The following GRIA4 variants were observed in gnomAD, a reference collection of about 807,000 sequenced individuals.
GRIA4 encodes the protein glutamate receptor 4.
A neutral mutation model predicts 104.0 loss-of-function variants in GRIA4; 34 were observed. The observed-to-expected ratio is 0.33, with a 90% CI of 0.25 to 0.44. The LOEUF (loss-of-function observed/expected upper bound fraction) is 0.44, where lower values mean the gene tolerates loss of function less well. GRIA4 is among the 20% of genes least tolerant of loss of function. The pLI, the probability that GRIA4 is intolerant of heterozygous loss-of-function variation, is 1.00. For missense variants in GRIA4, 750 were observed against 1,096.5 expected (o/e 0.68, Z 4.46); for synonymous variants, 386 against 381.9 (o/e 1.01, Z -0.13).
intron 4 of GRIA4, among the ~76,000 whole-genome samples, chr11:105,808,570 C>T (rs962140320): frequency 1.1e-4 from 16 of 152,088 alleles, no homozygotes; most frequent in African/African-American, 3.1e-4. Flanking sequence ...TAATTCAATC[C>T]TCTTTCCCAA....
intron 3 of GRIA4, among the ~76,000 whole-genome samples, chr11:105,670,057 T>C (rs1165475448): frequency 6.6e-6 from 1 of 152,122 alleles, no homozygotes; most frequent in Non-Finnish European, 1.5e-5. Context: ...ACTAGATGGC[T>C]GTAGTAAATG....
chr11:105,710,991 T>C (rs1953889449), intron 3 of GRIA4, among the ~76,000 whole-genome samples: 3 of 152,034 alleles, frequency 2.0e-5, no homozygotes, highest in African/African-American at 4.8e-5. Context: ...GTGGAGCCAT[T>C]AAGAAAAATT....
At chr11:105,705,553 T>G (rs963094919) in intron 3 of GRIA4, among the ~76,000 whole-genome samples, 7 of 150,912 alleles carry the variant, frequency 4.6e-5, no homozygotes, top group African/African-American at 1.7e-4. Context: ...CACATAAAAT[T>G]GAAGGAAAAA....
intron 3 of GRIA4, among the ~76,000 whole-genome samples, chr11:105,686,359 C>G (rs968317452): frequency 1.3e-5 from 2 of 152,126 alleles, no homozygotes; most frequent in African/African-American, 2.4e-5. Flanking sequence ...TTCACTTAAG[C>G]TAGTGGCTTC....
chr11:105,629,835 T>C (rs1362545031), intron 3 of GRIA4, among the ~76,000 whole-genome samples: 1 of 152,244 alleles, frequency 6.6e-6, no homozygotes, highest in Non-Finnish European at 1.5e-5. Context: ...TTGATCTCTT[T>C]GGTTACATAC....
intron 3 of GRIA4, among the ~76,000 whole-genome samples, chr11:105,744,347 T>C (rs1939513013): frequency 6.6e-6 from 1 of 152,224 alleles, no homozygotes; most frequent in Non-Finnish European, 1.5e-5. Flanking sequence ...GCATGCTTTC[T>C]ACTAAAGAAG....
At chr11:105,723,509 G>T (rs1390434717) in intron 3 of GRIA4, among the ~76,000 whole-genome samples, 1 of 152,028 alleles carries the variant, frequency 6.6e-6, no homozygotes, top group African/African-American at 2.4e-5. Context: ...ACAAATTGGA[G>T]AGTTAGGATG....
At chr11:105,960,424 G>A (rs1467421700) in intron 14 of GRIA4, among the ~76,000 whole-genome samples, 4 of 152,164 alleles carry the variant, frequency 2.6e-5, no homozygotes, top group Non-Finnish European at 4.4e-5. Context: ...GTTGAGCTGT[G>A]GGGACAAGTC....
chr11:105,694,390 A>G (rs889665468), intron 3 of GRIA4, among the ~76,000 whole-genome samples: 7 of 152,118 alleles, frequency 4.6e-5, no homozygotes, highest in African/African-American at 1.4e-4. Flanking sequence ...CTCGTGATCC[A>G]CCCACCTCGG....
chr11:105,764,837 A>C (rs1471990006), intron 4 of GRIA4, among the ~76,000 whole-genome samples: 3 of 152,124 alleles, frequency 2.0e-5, no homozygotes, highest in Non-Finnish European at 4.4e-5. Flanking sequence ...TACTTTTTTA[A>C]AAAATAGTCC....
chr11:105,936,789 A>G (rs1239935893), intron 14 of GRIA4, among the ~76,000 whole-genome samples: 1 of 152,212 alleles, frequency 6.6e-6, no homozygotes, highest in Non-Finnish European at 1.5e-5. Context: ...CTGTAACTGG[A>G]CTGAAAAATA....
At chr11:105,611,805 A>C (rs1046098818) in intron 2 of GRIA4, among the ~76,000 whole-genome samples, 1 of 152,254 alleles carries the variant, frequency 6.6e-6, no homozygotes, top group African/African-American at 2.4e-5. Context: ...TGGACTGTGC[A>C]TAAAACGGAG....
intron 14 of GRIA4, among the ~76,000 whole-genome samples, chr11:105,970,345 G>A (rs1382999274): frequency 6.6e-6 from 1 of 151,872 alleles, no homozygotes; most frequent in African/African-American, 2.4e-5. Context: ...ATGGGTTTTA[G>A]TTTAACCAGA....
chr11:105,752,989 C>G lies in GRIA4; in HGVS notation c.256C>G (p.Gln86Glu), dbSNP rs758756656. 5.6e-6 allele frequency: 9 copies of G among 1,612,786 alleles called. No individual in the cohort carries two copies. The highest frequency in any genetic ancestry group is 6.8e-6 in the Non-Finnish European group (8 of 1,179,218). ...SFAVTNAFCS[Q>E]YSRGVFAIFG... ...TCTTCCTCTTGTTTCAGTCTGTTCC[C>G]AGTATTCTAGAGGAGTATTTGCCAT... The change falls in exon 4 of 17, where the codon CAG becomes GAG. Residue 86 changes from glutamine to glutamate, a missense_variant. Physicochemically the swap from Gln to Glu is conservative, Grantham distance 29. Transcript: ENST00000282499.
intron 3 of GRIA4, among the ~76,000 whole-genome samples, chr11:105,724,253 C>G (rs1938031073): frequency 6.6e-6 from 1 of 151,524 alleles, no homozygotes; most frequent in Admixed American, 6.6e-5. Flanking sequence ...TGATATTTAC[C>G]ATGGCAAAGA....
intron 3 of GRIA4, among the ~76,000 whole-genome samples, chr11:105,668,219 TA>T (rs1565449403): frequency 9.7e-6 from 1 of 102,978 alleles, no homozygotes; most frequent in African/African-American, 4.2e-5. Context: ...CACACACACA[TA>T]TAATATATAT....
At chr11:105,812,273 T>G (rs1565255709) in intron 4 of GRIA4, among the ~76,000 whole-genome samples, 1 of 152,210 alleles carries the variant, frequency 6.6e-6, no homozygotes, top group African/African-American at 2.4e-5. Context: ...CCCTTCACCA[T>G]GTAACATATA....
chr11:105,776,134 T>C (rs1941440323), intron 4 of GRIA4, among the ~76,000 whole-genome samples: 1 of 152,086 alleles, frequency 6.6e-6, no homozygotes. Context: ...ACATTGAGAT[T>C]CAAAGAGGCT....
rs1474394718 is a variant in GRIA4, at chr11:105,794,488, T to C, written c.487+41268T>C. On this transcript the variant is annotated intron_variant, in intron 4 of 16. Coordinates refer to ENST00000282499, the MANE Select transcript of GRIA4 (RefSeq NM_000829.4). ...GTATATGTATGTATATATATATATA[T>C]ATATATATATATATATATATATATA... Among the ~76,000 whole-genome samples, 18 of 113,540 alleles carry C rather than the reference T, an allele frequency of 1.6e-4. 1 individual carries two copies. In the South Asian group the frequency reaches 5.1e-3, roughly 32 times the overall value. 74.5% of individuals were successfully genotyped at this position (113,540 alleles called of 152,430 possible).
Sources: allele counts gnomAD v4.1 joint callset (sites outside exome capture counted in the v4.1 genomes callset), GRCh38; gene constraint gnomAD v4.1.1; transcripts MANE v1.5; gene names NCBI Gene and HGNC (gene_info 2026-07-23, HGNC 2026-07-21).